SUMF1: variants seen among roughly 807,000 people sequenced by gnomAD.
The protein encoded by SUMF1 is sulfatase modifying factor 1.
Under a neutral mutation model 47.6 loss-of-function variants are expected in SUMF1, and 48 were observed. That is an observed-to-expected ratio of 1.01 (90% CI 0.80 to 1.28). The LOEUF (loss-of-function observed/expected upper bound fraction) is 1.28. SUMF1 is among the 50% of genes most tolerant of loss of function. The pLI, the probability that SUMF1 is intolerant of heterozygous loss-of-function variation, is 0.00. For missense variants in SUMF1, 571 were observed against 485.4 expected (o/e 1.18, Z -1.66); for synonymous variants, 230 against 192.1 (o/e 1.20, Z -1.63).
intron 8 of SUMF1, among the ~76,000 whole-genome samples, chr3:4,115,817 G>A (rs1325491133): frequency 6.6e-6 from 1 of 151,950 alleles, no homozygotes; most frequent in East Asian, 1.9e-4. Context: ...GATACGAAAC[G>A]ATATTTAAAA....
chr3:4,199,077 T>G (rs761133942), intron 8 of SUMF1, among the ~76,000 whole-genome samples: 23 of 152,262 alleles, frequency 1.5e-4, no homozygotes, highest in Middle Eastern at 3.4e-3. Context: ...TGTATGCAGT[T>G]GTGCAGCCAT....
At chr3:4,173,024 T>G (rs1408733857) in intron 8 of SUMF1, among the ~76,000 whole-genome samples, 2 of 152,212 alleles carry the variant, frequency 1.3e-5, no homozygotes, top group Non-Finnish European at 2.9e-5. Context: ...TGAGTTAATT[T>G]CTGTATAAGG....
At chr3:4,250,483 CA>C (rs1360898713) in intron 8 of SUMF1, among the ~76,000 whole-genome samples, 2 of 151,824 alleles carry the variant, frequency 1.3e-5, no homozygotes, top group Admixed American at 1.3e-4. Flanking sequence ...AAGATATAGC[CA>C]AGATAATTCA....
At chr3:4,258,452 G>A (rs1697007721) in intron 8 of SUMF1, among the ~76,000 whole-genome samples, 1 of 131,324 alleles carries the variant, frequency 7.6e-6, no homozygotes, top group African/African-American at 3.1e-5. Flanking sequence ...AGTGGGCAAA[G>A]GACATGAGCA....
rs192690810 is a variant in SUMF1, at chr3:4,248,646, G to A, written c.1014+127684C>T. ...GATATAAGAAACATCCCACCCCTCA[G>A]CTACACTTTAGAATCCAAAAGCAAA... On this transcript the variant is annotated intron_variant and NMD_transcript_variant, in intron 8 of 12. Transcript: ENST00000448413. Among the ~76,000 whole-genome samples, 45 of 152,228 alleles carry A rather than the reference G, an allele frequency of 3.0e-4. 1 individual carries two copies. The East Asian group carries it at 6.4e-3, about 22-fold the overall frequency.
intron 8 of SUMF1, among the ~76,000 whole-genome samples, chr3:4,266,304 T>C (rs1344345401): frequency 6.6e-6 from 1 of 152,220 alleles, no homozygotes; most frequent in Non-Finnish European, 1.5e-5. Context: ...GCAATGAATC[T>C]ATAAATTACC....
chr3:4,051,552 G>T (rs1695110520), intron 9 of SUMF1, among the ~76,000 whole-genome samples: 1 of 152,154 alleles, frequency 6.6e-6, no homozygotes, highest in Non-Finnish European at 1.5e-5. Flanking sequence ...AAGGGGAGAA[G>T]CACATGTTAA....
chr3:4,306,289 AAAT>A (rs1484323097), intron 8 of SUMF1, among the ~76,000 whole-genome samples: 1 of 152,206 alleles, frequency 6.6e-6, no homozygotes, highest in Non-Finnish European at 1.5e-5. Context: ...AATTATTTAA[AAAT>A]AAATTATATA....
At chr3:4,219,814 T>C (rs1696021948) in intron 8 of SUMF1, among the ~76,000 whole-genome samples, 1 of 152,182 alleles carries the variant, frequency 6.6e-6, no homozygotes, top group Admixed American at 6.6e-5. Flanking sequence ...TTTAGGAATT[T>C]GCATTTTTAA....
intron 8 of SUMF1, among the ~76,000 whole-genome samples, chr3:4,243,472 C>T (rs1371356401): frequency 1.3e-5 from 2 of 152,188 alleles, no homozygotes; most frequent in African/African-American, 4.8e-5. Flanking sequence ...TCTTTGTTCT[C>T]ATTGGTTTCA....
intron 8 of SUMF1, among the ~76,000 whole-genome samples, chr3:4,211,689 A>G (rs982333485): frequency 1.3e-5 from 2 of 152,168 alleles, no homozygotes; most frequent in African/African-American, 4.8e-5. Flanking sequence ...TATTGGTACT[A>G]TAAGGTAAAA....
Position 4,349,705 on chromosome 3 carries a change from G to C in SUMF1, c.1014+26625C>G, listed in dbSNP as rs368367308. On this transcript the variant is annotated intron_variant and NMD_transcript_variant, in intron 8 of 12. Transcript: ENST00000448413. ...TGCAGGGACATGGATGAAGCTGGAA[G>C]CCATTATCCTCAGCAAACTAACATA... Among the ~76,000 whole-genome samples, 24 of 152,288 alleles carry C rather than the reference G, an allele frequency of 1.6e-4. No homozygotes were observed. The East Asian group carries it at 4.4e-3, about 28-fold the overall frequency.
At chr3:4,182,828 G>C (rs1322988224) in intron 8 of SUMF1, among the ~76,000 whole-genome samples, 1 of 152,110 alleles carries the variant, frequency 6.6e-6, no homozygotes, top group Non-Finnish European at 1.5e-5. Flanking sequence ...CTGAATCTGA[G>C]AGACTCATCA....
intron 7 of SUMF1, 75 bp downstream of exon 7, chr3:4,410,790 T>C: frequency 7.5e-7 from 1 of 1,327,152 alleles, no homozygotes; most frequent in South Asian, 1.2e-5. Flanking sequence ...CGGAAACACA[T>C]GACAGCCTGG....
At chr3:4,196,560 G>A (rs913248180) in intron 8 of SUMF1, among the ~76,000 whole-genome samples, 2 of 152,062 alleles carry the variant, frequency 1.3e-5, no homozygotes, top group African/African-American at 2.4e-5. Flanking sequence ...CTTATCAGAG[G>A]CCTTGGCTGA....
At chr3:4,248,274 C>T (rs1696714171) in intron 8 of SUMF1, among the ~76,000 whole-genome samples, 1 of 152,142 alleles carries the variant, frequency 6.6e-6, no homozygotes, top group Non-Finnish European at 1.5e-5. Context: ...TCATAAAAAG[C>T]ATGCCAGTCA....
chr3:4,073,549 TAAAG>T (rs1171189445), intron 8 of SUMF1, among the ~76,000 whole-genome samples: 5 of 152,132 alleles, frequency 3.3e-5, no homozygotes, highest in Admixed American at 1.3e-4. Flanking sequence ...GCAAATTGGA[TAAAG>T]AGTCAAGACC....
chr3:4,320,110 CT>C (rs1698796179), intron 8 of SUMF1, among the ~76,000 whole-genome samples: 1 of 152,254 alleles, frequency 6.6e-6, no homozygotes, highest in Admixed American at 6.5e-5. Flanking sequence ...ACATATAGAA[CT>C]TTACTGCACA....
intron 7 of SUMF1, among the ~76,000 whole-genome samples, chr3:4,391,553 G>T (rs1700863732): frequency 6.6e-6 from 1 of 152,116 alleles, no homozygotes; most frequent in Non-Finnish European, 1.5e-5. Flanking sequence ...CCATGATCTG[G>T]CTCACTGCAG....
Sources: gnomAD v4.1 joint callset for allele counts (sites outside exome capture counted in the v4.1 genomes callset) on GRCh38, gnomAD v4.1.1 for gene constraint, MANE v1.5 for transcripts, NCBI Gene and HGNC (gene_info 2026-07-23, HGNC 2026-07-21) for gene names.